The following IL17B variants were observed in gnomAD, a reference collection of about 807,000 sequenced individuals.
IL17B encodes interleukin-17B.
IL17B carries 14 observed loss-of-function variants against 14.7 expected under a neutral mutation model. That is an observed-to-expected ratio of 0.95 (90% CI 0.63 to 1.49). The LOEUF (loss-of-function observed/expected upper bound fraction) is 1.49, where lower values mean the gene tolerates loss of function less well. Ranked by LOEUF, IL17B falls within the 40% of genes most tolerant of loss-of-function variation. The pLI is 0.00. For missense variants in IL17B, 233 were observed against 252.8 expected (o/e 0.92, Z 0.53); for synonymous variants, 105 against 94.8 (o/e 1.11, Z -0.62).
At position 149,374,485 on chromosome 5, in the gene IL17B, C is replaced by G. The variant is rs752411869; in HGVS notation, c.427G>C (p.Val143Leu). The change falls in exon 3 of 3, where the codon GTG becomes CTG. Residue 143 changes from valine (V) to leucine (L), a missense_variant. Coordinates refer to ENST00000261796, the MANE Select transcript of IL17B (RefSeq NM_014443.3). The surrounding 1 kb of genome is among the most constrained non-coding windows in gnomAD (Gnocchi z 5.0). The part of the protein sequence containing the change: ...QEDRSMVSVP[V>L]FSQVPVRRRL... ...CGGCGCACAGGAACCTGGCTGAACA[C>G]CGGCACGCTCACCATGCTGCGGTCC... 6.2e-7 allele frequency: 1 copy of G among 1,612,928 alleles called. No homozygotes were observed. The highest frequency in any genetic ancestry group is 2.2e-5 in the East Asian group (1 of 44,858).
chr5:149,387,440 TA>T (rs1758848232), intron 1 of IL17B, among the ~76,000 whole-genome samples: 1 of 151,954 alleles, frequency 6.6e-6, no homozygotes, highest in Non-Finnish European at 1.5e-5. Flanking sequence ...TGCGTGATGG[TA>T]AAAGGGTTAC....
intron 1 of IL17B, among the ~76,000 whole-genome samples, chr5:149,396,792 T>C (rs1483746529): frequency 1.3e-5 from 2 of 152,140 alleles, no homozygotes; most frequent in African/African-American, 4.8e-5. Context: ...GTAAGAATAG[T>C]TCACCATGTA....
intron 1 of IL17B, among the ~76,000 whole-genome samples, chr5:149,390,587 GCACACACACACA>G (rs56268721): frequency 9.0e-4 from 104 of 114,946 alleles, no homozygotes; most frequent in Middle Eastern, 4.2e-3. Flanking sequence ...CCCTGAGTTA[GCACACACACACA>G]CACACACACA....
intron 1 of IL17B, among the ~76,000 whole-genome samples, chr5:149,389,945 A>T (rs1432185769): frequency 1.3e-5 from 2 of 152,152 alleles, no homozygotes; most frequent in African/African-American, 2.4e-5. Flanking sequence ...AGACATGGGC[A>T]GGGGTTGGGG....
Position 149,390,630 on chromosome 5 carries a change from C to CACAGAG in IL17B, n.95+13477_95+13478insCTCTGT, listed in dbSNP as rs1491235916. Among the ~76,000 whole-genome samples the CACAGAG allele has an allele frequency of 3.7e-3, 486 of 132,034 alleles. 5 individuals are homozygous for CACAGAG. The highest frequency in any genetic ancestry group is 9.9e-3 in the African/African-American group (343 of 34,554). The allele number at this position is 132,034 out of a possible 152,430, so 86.6% of individuals were successfully genotyped here. On this transcript the variant is annotated intron_variant and non_coding_transcript_variant, in intron 1 of 2. Coordinates refer to the IL17B transcript ENST00000505432. ...ACACACACACACACACACACACACA[C>CACAGAG]AGAGATACACAAGGCCCTCCAAGTC...
chr5:149,397,940 C>A (rs978232847), intron 1 of IL17B, among the ~76,000 whole-genome samples: 1 of 152,166 alleles, frequency 6.6e-6, no homozygotes, highest in South Asian at 2.1e-4. Flanking sequence ...TGGCCCCCTG[C>A]CTATTAGATG....
rs769297318 is a variant in IL17B, at chr5:149,379,264, C to T, written c.-39G>A. The T allele has an allele frequency of 3.5e-5, 56 of 1,613,154 alleles. No individual in the cohort carries two copies. Among genetic ancestry groups the T allele is most frequent in the Admixed American group, 3.0e-4 (18 of 59,926 alleles). ...AAGGTCAGCCTGCAGCTGCTGCCCG[C>T]CTGGAACCCCAGATGCCGCCGAGAG... On this transcript the variant is annotated 5_prime_UTR_variant, in exon 1 of 3. Coordinates refer to ENST00000261796, the MANE Select transcript of IL17B (RefSeq NM_014443.3).
At chr5:149,403,073 G>A (rs1445561763) in intron 1 of IL17B, among the ~76,000 whole-genome samples, 10 of 130,830 alleles carry the variant, frequency 7.6e-5, no homozygotes, top group African/African-American at 3.4e-4. Flanking sequence ...GTTCTGTTTT[G>A]TTTTGTTTTG....
intron 1 of IL17B, among the ~76,000 whole-genome samples, chr5:149,389,987 CAG>C (rs749357577): frequency 2.2e-4 from 34 of 152,092 alleles, no homozygotes; most frequent in Non-Finnish European, 3.8e-4. Flanking sequence ...CGAGGACAAA[CAG>C]AGTCAACTTC....
At chr5:149,386,952 C>A (rs353276) in intron 1 of IL17B, among the ~76,000 whole-genome samples, 4 of 152,154 alleles carry the variant, frequency 2.6e-5, no homozygotes, top group African/African-American at 4.8e-5. Context: ...GTGATCTACC[C>A]GCCTCAGCGT....
intron 1 of IL17B, among the ~76,000 whole-genome samples, chr5:149,395,613 G>A (rs1178304959): frequency 6.6e-6 from 1 of 152,188 alleles, no homozygotes; most frequent in African/African-American, 2.4e-5. Flanking sequence ...CTCCTAAAAT[G>A]TCATCAACTG....
chr5:149,377,913 G>A (rs1758588012), intron 1 of IL17B, among the ~76,000 whole-genome samples: 1 of 152,180 alleles, frequency 6.6e-6, no homozygotes, highest in South Asian at 2.1e-4. Context: ...GGAGGCCGAG[G>A]CGGGCAGATC....
chr5:149,402,769 C>T (rs1319660166), intron 1 of IL17B, among the ~76,000 whole-genome samples: 1 of 150,734 alleles, frequency 6.6e-6, no homozygotes, highest in African/African-American at 2.4e-5. Context: ...TTTGAGAGGC[C>T]GAGGCGGGCG....
chr5:149,383,852 T>C (rs1213573258), upstream of IL17B, among the ~76,000 whole-genome samples: 1 of 152,296 alleles, frequency 6.6e-6, no homozygotes, highest in African/African-American at 2.4e-5. Flanking sequence ...TGAGTTGGGG[T>C]AGGACTCCAA....
Position 149,397,588 on chromosome 5 carries a change from G to T in IL17B, n.95+6520C>A, listed in dbSNP as rs116441294. The stretch of plus-strand genomic sequence containing the variant: ...TGTGTTGTAAGAAACACAATAAAAA[G>T]AAATGCTATTCTGTTTCCCTAATAC... On this transcript the variant is annotated intron_variant and non_coding_transcript_variant, in intron 1 of 2. Coordinates refer to the IL17B transcript ENST00000505432. 9.3e-3 allele frequency among the ~76,000 whole-genome samples: 1,414 copies of T among 152,280 alleles called. 17 individuals are homozygous for T. Among genetic ancestry groups the T allele is most frequent in the African/African-American group, 0.032 (1,341 of 41,556 alleles).
At chr5:149,376,702 C>G in intron 2 of IL17B, 34 bp downstream of exon 2, 2 of 1,571,502 alleles carry the variant, frequency 1.3e-6, no homozygotes, top group Admixed American at 1.8e-5. Flanking sequence ...GTCCCCACCC[C>G]CCAAAGACAG....
At position 149,374,427 on chromosome 5, in the gene IL17B, G is replaced by C. The variant is rs754779395; in HGVS notation, c.485C>G (p.Pro162Arg). The change falls in exon 3 of 3, where the codon CCT (proline) becomes CGT (arginine). Residue 162 changes from proline (P) to arginine (R), a missense_variant. Coordinates refer to ENST00000261796, the MANE Select transcript of IL17B (RefSeq NM_014443.3). This position sits in a 1 kb window ranked among gnomAD's most constrained non-coding sequence, Gnocchi z 5.0. ...RLCPPPPRTG[P>R]CRQRAVMETI... ...CTCCATGACTGCGCGCTGGCGGCAA[G>C]GCCCTGTGCGGGGCGGTGGCGGGCA... 3.1e-6 allele frequency: 5 copies of C among 1,607,110 alleles called. No homozygotes were observed. The East Asian group carries it at 1.1e-4, about 36-fold the overall frequency.
In IL17B at chr5:149,374,729, G is replaced by T; in HGVS notation, c.312-129C>A. 1.5e-6 allele frequency: 1 copy of T among 681,576 alleles called. No individual in the cohort carries two copies. Among genetic ancestry groups the T allele is most frequent in the Non-Finnish European group, 2.4e-6 (1 of 415,032 alleles). 42.2% of individuals were successfully genotyped at this position (681,576 alleles called of 1,614,324 possible). A position where few individuals can be genotyped will look rare whatever the true frequency, so the allele number is the denominator to read the frequency against. On this transcript the variant is annotated intron_variant, in intron 2 of 2. Transcript: ENST00000261796. The surrounding 1 kb of genome is among the most constrained non-coding windows in gnomAD (Gnocchi z 5.0). ...CACAGCAAGACTGTGTTGGGCTGGAGGAAAGGCAGTAATCAACTCCATGTT... is the reference window on the plus strand; with the variant it reads ...CACAGCAAGACTGTGTTGGGCTGGATGAAAGGCAGTAATCAACTCCATGTT...
At chr5:149,376,649 A>T in intron 2 of IL17B, 87 bp downstream of exon 2, 5 of 1,501,152 alleles carry the variant, frequency 3.3e-6, no homozygotes, top group South Asian at 2.7e-5. Flanking sequence ...CAGACCTCTG[A>T]ATCTGAGATC....
Sources: allele counts gnomAD v4.1 joint callset (sites outside exome capture counted in the v4.1 genomes callset), GRCh38; gene constraint gnomAD v4.1.1; non-coding constraint Gnocchi (gnomAD v3.1); transcripts MANE v1.5; gene names NCBI Gene and HGNC (gene_info 2026-07-23, HGNC 2026-07-21).